Variants in ADAMTS20 observed in about 807,000 individuals in gnomAD.
The protein encoded by ADAMTS20 is ADAM metallopeptidase with thrombospondin type 1 motif 20.
In ADAMTS20, 225 loss-of-function variants were observed where a neutral mutation model predicts 260.1. The observed-to-expected ratio is 0.87, with a 90% CI of 0.78 to 0.97. The LOEUF (loss-of-function observed/expected upper bound fraction) is 0.97, where lower values mean the gene tolerates loss of function less well. ADAMTS20 is among the 50% of genes least tolerant of loss of function. ADAMTS20 has a pLI of 0.00. For missense variants in ADAMTS20, 2,400 were observed against 2,337.7 expected (o/e 1.03, Z -0.55); for synonymous variants, 802 against 769.5 (o/e 1.04, Z -0.70).
intron 37 of ADAMTS20, 29 bp from the exon 38 acceptor site, chr12:43,356,617 A>G (rs1449880497): frequency 6.7e-7 from 1 of 1,492,816 alleles, no homozygotes. Flanking sequence ...AAAGAAAAAT[A>G]GATGGAATTT....
At chr12:43,548,665 G>C (rs1210400122) in intron 2 of ADAMTS20, among the ~76,000 whole-genome samples, 1 of 151,980 alleles carries the variant, frequency 6.6e-6, no homozygotes, top group African/African-American at 2.4e-5. Flanking sequence ...TTTTTAAAAA[G>C]TCACTAATCT....
intron 37 of ADAMTS20, among the ~76,000 whole-genome samples, chr12:43,364,190 T>TA (rs1055368450): frequency 6.6e-6 from 1 of 151,618 alleles, no homozygotes; most frequent in Non-Finnish European, 1.5e-5. Flanking sequence ...GCCAGGTAAT[T>TA]AAAAAAAATA....
intron 28 of ADAMTS20, among the ~76,000 whole-genome samples, chr12:43,411,115 A>G (rs1003537540): frequency 1.3e-5 from 2 of 152,230 alleles, no homozygotes; most frequent in Non-Finnish European, 1.5e-5. Context: ...TAATGAAAAC[A>G]TATTGCATTA....
intron 10 of ADAMTS20, among the ~76,000 whole-genome samples, chr12:43,463,300 C>T (rs188460331): frequency 2.0e-5 from 3 of 152,008 alleles, no homozygotes; most frequent in African/African-American, 4.8e-5. Context: ...TACAAGATAT[C>T]TTTCTAAAGA....
chr12:43,547,272 G>C (rs1185272126), intron 2 of ADAMTS20, among the ~76,000 whole-genome samples: 1 of 152,162 alleles, frequency 6.6e-6, no homozygotes, highest in Non-Finnish European at 1.5e-5. Flanking sequence ...GGGAATGAGA[G>C]AGTCTACCTC....
intron 7 of ADAMTS20, among the ~76,000 whole-genome samples, chr12:43,470,998 A>G (rs1942245197): frequency 6.6e-6 from 1 of 152,230 alleles, no homozygotes; most frequent in Non-Finnish European, 1.5e-5. Flanking sequence ...ATGGCCGAAT[A>G]GGAACAGCTC....
At chr12:43,519,873 T>TTTG (rs2137479332) in intron 3 of ADAMTS20, among the ~76,000 whole-genome samples, 1 of 152,274 alleles carries the variant, frequency 6.6e-6, no homozygotes, top group African/African-American at 2.4e-5. Flanking sequence ...CACCTTGGTC[T>TTTG]TTCTACCTGC....
At chr12:43,444,567 C>T (rs2137334856) in intron 15 of ADAMTS20, among the ~76,000 whole-genome samples, 1 of 152,160 alleles carries the variant, frequency 6.6e-6, no homozygotes, top group Non-Finnish European at 1.5e-5. Context: ...GACATTGGCA[C>T]TGCTCAAAAG....
At chr12:43,509,557 T>A (rs754557483) in intron 3 of ADAMTS20, among the ~76,000 whole-genome samples, 6 of 152,134 alleles carry the variant, frequency 3.9e-5, no homozygotes, top group Non-Finnish European at 8.8e-5. Flanking sequence ...ACATAGTTTT[T>A]AAAATATAGT....
In ADAMTS20 at chr12:43,501,467, G is replaced by A. The variant is rs1318949437; in HGVS notation, c.867+685C>T. Among the ~76,000 whole-genome samples, 114 of 31,062 alleles carry A rather than the reference G, an allele frequency of 3.7e-3. 1 individual carries two copies. In the East Asian group the frequency reaches 0.12, roughly 32 times the overall value. The allele number at this position is 31,062 out of a possible 152,430, so 20.4% of individuals were successfully genotyped here. A position where few individuals can be genotyped will look rare whatever the true frequency, so the allele number is the denominator to read the frequency against. On this transcript the variant is annotated intron_variant, in intron 4 of 38. Transcript: ENST00000389420. ...CAGGGTGGTGGAGGGGGATACGCGC[G>A]CGCGCGCGCGCGCGCACACACACAC...
chr12:43,547,504 T>C (rs1458623623), intron 2 of ADAMTS20, among the ~76,000 whole-genome samples: 1 of 152,156 alleles, frequency 6.6e-6, no homozygotes, highest in Admixed American at 6.5e-5. Flanking sequence ...GTGCTGACTA[T>C]GTGGGACTCA....
At chr12:43,501,256 C>T (rs1942755585) in intron 4 of ADAMTS20, among the ~76,000 whole-genome samples, 1 of 151,664 alleles carries the variant, frequency 6.6e-6, no homozygotes, top group Non-Finnish European at 1.5e-5. Flanking sequence ...GATGATGTTT[C>T]ACTATGTTGG....
chr12:43,493,050 A>G (rs1038224276), intron 5 of ADAMTS20, 120 bp downstream of exon 5: 1 of 722,186 alleles, frequency 1.4e-6, no homozygotes, highest in African/African-American at 1.8e-5. Flanking sequence ...ATTCCTTCTC[A>G]AATCAAGTCT....
chr12:43,439,313 G>A (rs1423424233), intron 18 of ADAMTS20, among the ~76,000 whole-genome samples: 3 of 152,192 alleles, frequency 2.0e-5, no homozygotes, highest in African/African-American at 7.2e-5. Flanking sequence ...TCACCAGGAA[G>A]CAGGATATAT....
chr12:43,390,600 GAAC>G (rs2137238339), intron 29 of ADAMTS20, among the ~76,000 whole-genome samples: 2 of 152,226 alleles, frequency 1.3e-5, no homozygotes, highest in South Asian at 4.1e-4. Flanking sequence ...CAAAACACTG[GAAC>G]ATGAGTACAG....
intron 22 of ADAMTS20, among the ~76,000 whole-genome samples, chr12:43,430,987 G>A (rs1941431358): frequency 6.6e-6 from 1 of 152,158 alleles, no homozygotes; most frequent in Admixed American, 6.5e-5. Flanking sequence ...TGCCTGTTCA[G>A]CAAAACGTCT....
intron 37 of ADAMTS20, among the ~76,000 whole-genome samples, chr12:43,360,271 A>G (rs1334910769): frequency 1.3e-5 from 2 of 152,216 alleles, no homozygotes; most frequent in African/African-American, 4.8e-5. Context: ...CAACAGGGTG[A>G]AACCCTGTCT....
At position 43,383,545 on chromosome 12, in the gene ADAMTS20, T is replaced by G; in HGVS notation, c.4797+13A>C. On this transcript the variant is annotated intron_variant, in intron 31 of 38. Coordinates refer to ENST00000389420, the MANE Select transcript of ADAMTS20 (RefSeq NM_025003.5). ...AAGGAGCAAAAATTCTCAACTTCCT[T>G]TCTTTACCTTACCTGTGATGAGTCT... 6.3e-7 allele frequency: 1 copy of G among 1,587,968 alleles called. No individual in the cohort carries two copies. The highest frequency in any genetic ancestry group is 8.6e-7 in the Non-Finnish European group (1 of 1,167,788).
intron 4 of ADAMTS20, among the ~76,000 whole-genome samples, chr12:43,501,473 G>GCACACA (rs1198759318): frequency 1.1e-3 from 62 of 55,530 alleles, no homozygotes; most frequent in African/African-American, 2.9e-3. Flanking sequence ...GCGCGCGCGC[G>GCACACA]CGCGCGCGCA....
Sources: allele counts gnomAD v4.1 joint callset (sites outside exome capture counted in the v4.1 genomes callset), GRCh38; gene constraint gnomAD v4.1.1; transcripts MANE v1.5; gene names NCBI Gene and HGNC (gene_info 2026-07-23, HGNC 2026-07-21).